Variants in NALF2 observed in about 807,000 individuals in gnomAD.
NALF2 encodes NALCN channel auxiliary factor 2, also known as bB57D9.1 (TED protein).
A neutral mutation model predicts 24.8 loss-of-function variants in NALF2; 1 was observed. The ratio of observed to expected loss-of-function variants is 0.04; its 90% CI spans 0.01 to 0.19. The LOEUF is 0.19. NALF2 is among the 10% of genes least tolerant of loss of function. The pLI, the probability that NALF2 is intolerant of heterozygous loss-of-function variation, is 1.00. For synonymous variants in NALF2, 254 were observed against 189.8 expected, an observed-to-expected ratio of 1.34 and a Z score of -2.78; for missense variants, 458 against 409.6, an observed-to-expected ratio of 1.12 and a Z score of -1.02.
At chrX:69,528,825 G>T (rs1380377105) in intron 1 of NALF2, among the ~76,000 whole-genome samples, 168 bp from the exon 2 acceptor site, 1 of 111,977 alleles carries the variant, frequency 8.9e-6, no homozygotes, top group Non-Finnish European at 1.9e-5. Flanking sequence ...GAGATCTTAG[G>T]TAAGATGCAG....
chrX:69,530,058 G>T lies in NALF2; in HGVS notation c.*102G>T. 1.7e-6 allele frequency: 1 copy of T among 584,439 alleles called. No individual in the cohort carries two copies. Among genetic ancestry groups the T allele is most frequent in the Non-Finnish European group, 2.6e-6 (1 of 388,386 alleles). 48.2% of individuals were successfully genotyped at this position (584,439 alleles called of 1,213,427 possible). A position where few individuals can be genotyped will look rare whatever the true frequency, so the allele number is the denominator to read the frequency against. On this transcript the variant is annotated 3_prime_UTR_variant, in exon 3 of 3. Coordinates refer to ENST00000252338, the MANE Select transcript of NALF2 (RefSeq NM_015686.3). The stretch of plus-strand genomic sequence containing the variant: ...TCCCATGGGAGGTGTAGGATAAGGT[G>T]GGGGCGGGGGAAATGGGGGAATGAC...
chrX:69,516,885 C>T (rs1930669617), intron 1 of NALF2, among the ~76,000 whole-genome samples: 1 of 111,747 alleles, frequency 8.9e-6, no homozygotes, highest in African/African-American at 3.3e-5. Flanking sequence ...CACCTAATAT[C>T]CAAATGCTAT....
At chrX:69,510,626 G>C (rs747094331) in intron 1 of NALF2, among the ~76,000 whole-genome samples, 10 of 111,760 alleles carry the variant, frequency 8.9e-5, no homozygotes, top group Non-Finnish European at 3.8e-5. Context: ...TCCCTGTTTG[G>C]GGGTAGAGGA....
At position 69,505,451 on chromosome X, in the gene NALF2, C is replaced by T. The variant is rs1930449171; in HGVS notation, c.169C>T (p.Leu57Phe). The T allele has an allele frequency of 2.6e-5, 30 of 1,136,655 alleles. No homozygotes were observed. Among genetic ancestry groups the T allele is most frequent in the Non-Finnish European group, 3.0e-5 (26 of 860,702 alleles). 93.7% of individuals were successfully genotyped at this position (1,136,655 alleles called of 1,213,427 possible). A position where few individuals can be genotyped will look rare whatever the true frequency, so the allele number is the denominator to read the frequency against. Reference sequence around the variant, plus strand: ...GTCCCTGCTCTTCTTCACCGTGCTGCTCGCTGACCATCTGTGGCTGTGCGC... The same window carrying T: ...GTCCCTGCTCTTCTTCACCGTGCTGTTCGCTGACCATCTGTGGCTGTGCGC... ...LASLLFFTVL[L>F]ADHLWLCAGA... Residue 57 changes from leucine (L) to phenylalanine (F), a missense_variant, in exon 1 of 3, where the codon CTC becomes TTC. Transcript: ENST00000252338.
At chrX:69,522,753 A>G (rs1930750474) in intron 1 of NALF2, among the ~76,000 whole-genome samples, 1 of 112,062 alleles carries the variant, frequency 8.9e-6, no homozygotes, top group African/African-American at 3.2e-5. Flanking sequence ...TTGAAAGCCC[A>G]GAGTCGGGAC....
At chrX:69,514,180 ACT>A (rs1930631648) in intron 1 of NALF2, among the ~76,000 whole-genome samples, 1 of 94,646 alleles carries the variant, frequency 1.1e-5, no homozygotes, top group Non-Finnish European at 2.1e-5. Flanking sequence ...ACAGAGTAAG[ACT>A]CTGTCTCAAA....
intron 1 of NALF2, among the ~76,000 whole-genome samples, chrX:69,521,301 AT>A (rs1245595881): frequency 4.7e-5 from 5 of 106,824 alleles, no homozygotes; most frequent in Admixed American, 1.0e-4. Flanking sequence ...CCTTCTACTC[AT>A]TTTTTTTTCA....
intron 1 of NALF2, among the ~76,000 whole-genome samples, chrX:69,512,475 C>T (rs1322932540): frequency 1.8e-5 from 2 of 111,581 alleles, no homozygotes; most frequent in Non-Finnish European, 1.9e-5. Context: ...GAGAAAGGAG[C>T]TGGAACCTGA....
chrX:69,510,415 G>T (rs942366833), intron 1 of NALF2, among the ~76,000 whole-genome samples: 2 of 112,416 alleles, frequency 1.8e-5, no homozygotes, highest in Non-Finnish European at 3.8e-5. Context: ...ACCTGCCACA[G>T]CTTTCCTGCC....
At chrX:69,506,958 A>G (rs926412863) in intron 1 of NALF2, among the ~76,000 whole-genome samples, 1 of 112,311 alleles carries the variant, frequency 8.9e-6, no homozygotes, top group Admixed American at 9.3e-5. Context: ...CCTAGGGAAG[A>G]GCTGAGTGTT....
intron 1 of NALF2, among the ~76,000 whole-genome samples, chrX:69,522,254 T>C (rs1325716323): frequency 8.9e-6 from 1 of 111,946 alleles, no homozygotes; most frequent in African/African-American, 3.3e-5. Context: ...TCATGGTCCC[T>C]TCTATTCTGG....
At chrX:69,524,621 G>A (rs1930779399) in intron 1 of NALF2, among the ~76,000 whole-genome samples, 1 of 94,658 alleles carries the variant, frequency 1.1e-5, no homozygotes, top group Non-Finnish European at 2.0e-5. Context: ...CCAGGAACCT[G>A]TGAATGCCCA....
chrX:69,509,375 C>T (rs1334663498), intron 1 of NALF2, among the ~76,000 whole-genome samples: 1 of 110,087 alleles, frequency 9.1e-6, no homozygotes, highest in Non-Finnish European at 1.9e-5. Flanking sequence ...CTGATTGCCT[C>T]TTCCCCCACC....
intron 1 of NALF2, among the ~76,000 whole-genome samples, chrX:69,508,056 T>C (rs1046377510): frequency 5.4e-5 from 6 of 111,653 alleles, no homozygotes; most frequent in Non-Finnish European, 9.4e-5. Flanking sequence ...TTCTTGTTAG[T>C]GGTATGACCT....
chrX:69,506,038 G>C lies in NALF2; in HGVS notation c.756G>C (p.Arg252=). The C allele has an allele frequency of 8.3e-7, 1 of 1,210,716 alleles. No homozygotes were observed. The highest frequency in any genetic ancestry group is 1.1e-6 in the Non-Finnish European group (1 of 894,933). The change falls in exon 1 of 3, where the codon CGG becomes CGC. Residue 252 remains arginine, a synonymous_variant. Transcript: ENST00000252338. ...GCAACTGTATCGAGGCGTACCAGCG[G>C]CTGGACCGACACGCTCAGGAAAAAT... The part of the protein sequence containing the change: ...ACSNCIEAYQ[R]LDRHAQEKYD...
At chrX:69,510,519 T>C (rs1169559517) in intron 1 of NALF2, among the ~76,000 whole-genome samples, 2 of 112,523 alleles carry the variant, frequency 1.8e-5, no homozygotes, top group African/African-American at 6.5e-5. Context: ...AGTTGGCCAG[T>C]GGTGTCTGTT....
At position 69,505,491 on chromosome X, in the gene NALF2, G is replaced by A; in HGVS notation, c.209G>A (p.Arg70Gln). ...HLWLCAGARP[R>Q]ARELSSAMRP... ...TGGCTGTGCGCGGGGGCCCGGCCCC[G>A]GGCCAGGGAGCTGAGCAGCGCCATG... The change falls in exon 1 of 3, where the codon CGG becomes CAG. Residue 70 changes from arginine to glutamine, a missense_variant. Coordinates refer to ENST00000252338, the MANE Select transcript of NALF2 (RefSeq NM_015686.3). 3.7e-6 allele frequency: 4 copies of A among 1,084,426 alleles called. No homozygotes were observed. The highest frequency in any genetic ancestry group is 4.8e-6 in the Non-Finnish European group (4 of 838,315). 89.4% of individuals were successfully genotyped at this position (1,084,426 alleles called of 1,213,427 possible). A position where few individuals can be genotyped will look rare whatever the true frequency, so the allele number is the denominator to read the frequency against.
rs745789567 is a variant in NALF2, at chrX:69,529,740, C to T, written c.1203C>T (p.Tyr401=). The change falls in exon 3 of 3, where the codon TAC becomes TAT. Residue 401 remains tyrosine (Y), a synonymous_variant. Transcript: ENST00000252338. ...FHHYHQQYHH[Y]HPHHDPPGRV... ...ACTACCACCAACAGTACCATCACTA[C>T]CACCCCCATCATGATCCCCCAGGCC... The T allele has an allele frequency of 2.6e-5, 31 of 1,208,635 alleles. No homozygotes were observed. The highest frequency in any genetic ancestry group is 1.1e-6 in the Non-Finnish European group (1 of 894,286).
intron 1 of NALF2, among the ~76,000 whole-genome samples, chrX:69,525,224 G>C (rs1247244915): frequency 8.9e-6 from 1 of 111,944 alleles, no homozygotes. Context: ...TCACCTAGGA[G>C]CTGGAACACT....
Sources: allele counts gnomAD v4.1 joint callset (sites outside exome capture counted in the v4.1 genomes callset), GRCh38; gene constraint gnomAD v4.1.1; transcripts MANE v1.5; gene names NCBI Gene and HGNC (gene_info 2026-07-23, HGNC 2026-07-21).